FAM89A: variants seen among roughly 807,000 people sequenced by gnomAD.
The protein encoded by FAM89A is family with sequence similarity 89 member A.
In FAM89A, 10 loss-of-function variants were observed where a neutral mutation model predicts 7.1. That is an observed-to-expected ratio of 1.40 (90% CI 0.86 to 2.38). The LOEUF (loss-of-function observed/expected upper bound fraction) is 2.38, where lower values mean the gene tolerates loss of function less well. Ranked by LOEUF, FAM89A falls within the 30% of genes most tolerant of loss-of-function variation. The pLI is 0.00. For missense variants in FAM89A, 276 were observed against 262.8 expected (o/e 1.05, Z -0.35); for synonymous variants, 157 against 129.3 (o/e 1.21, Z -1.45).
rs184664614 is a variant in FAM89A, at chr1:231,029,764, C to A, written c.292-9638G>T. ...TGTATTAACAATGAGAAAACTTTCA[C>A]AGTTATCTTTTAAAAACACAATGAA... On this transcript the variant is annotated intron_variant, in intron 1 of 1. Coordinates refer to ENST00000366654, the MANE Select transcript of FAM89A (RefSeq NM_198552.3). Among the ~76,000 whole-genome samples, 794 of 152,296 alleles carry A rather than the reference C, an allele frequency of 5.2e-3. 3 individuals carry two copies. Among genetic ancestry groups the A allele is most frequent in the Middle Eastern group, 0.024 (7 of 294 alleles).
intron 1 of FAM89A, among the ~76,000 whole-genome samples, chr1:231,034,479 A>C (rs1680126048): frequency 6.6e-6 from 1 of 151,926 alleles, no homozygotes; most frequent in African/African-American, 2.4e-5. Context: ...GCTTGTTAAA[A>C]ATGCAGATTC....
chr1:231,029,880 G>A (rs1016905240), intron 1 of FAM89A, among the ~76,000 whole-genome samples: 1 of 152,212 alleles, frequency 6.6e-6, no homozygotes, highest in Non-Finnish European at 1.5e-5. Flanking sequence ...TATATCCACA[G>A]GCCTGGACTG....
At chr1:231,021,963 A>G (rs1679887076) in intron 1 of FAM89A, 1 of 1,391,160 alleles carries the variant, frequency 7.2e-7, no homozygotes, top group Admixed American at 1.7e-5. Context: ...AACACCAGGG[A>G]TGAGGGCGCT....
At chr1:231,030,176 G>T (rs898495816) in intron 1 of FAM89A, among the ~76,000 whole-genome samples, 2 of 152,156 alleles carry the variant, frequency 1.3e-5, no homozygotes, top group Admixed American at 1.3e-4. Context: ...AAACATATTC[G>T]TGTCATCTGG....
intron 1 of FAM89A, among the ~76,000 whole-genome samples, chr1:231,037,567 C>T (rs999242521): frequency 3.9e-5 from 6 of 152,158 alleles, no homozygotes; most frequent in African/African-American, 7.2e-5. Flanking sequence ...CTCCAAAGTC[C>T]AGCTCTCCCT....
intron 1 of FAM89A, among the ~76,000 whole-genome samples, chr1:231,031,071 T>C (rs192866187): frequency 6.6e-6 from 1 of 152,022 alleles, no homozygotes. Context: ...GATCTTGCCA[T>C]TGCACTCCAG....
chr1:231,037,205 T>C (rs565964231), intron 1 of FAM89A, among the ~76,000 whole-genome samples: 1 of 152,314 alleles, frequency 6.6e-6, no homozygotes, highest in East Asian at 1.9e-4. Flanking sequence ...AATTCTTTAA[T>C]ATAAAACAGA....
chr1:231,040,245 G>T lies in FAM89A; in HGVS notation c.-34C>A. ...GGCCCGGCCACGCGCCTGCCCCGCTGCAGCGAACCAAGGCTTTCCCCCGGC... is the reference window on the plus strand; with the variant it reads ...GGCCCGGCCACGCGCCTGCCCCGCTTCAGCGAACCAAGGCTTTCCCCCGGC... On this transcript the variant is annotated 5_prime_UTR_variant, in exon 1 of 2. Coordinates refer to ENST00000366654, the MANE Select transcript of FAM89A (RefSeq NM_198552.3). 9.7e-7 allele frequency: 1 copy of T among 1,028,216 alleles called. No homozygotes were observed. The highest frequency in any genetic ancestry group is 1.2e-6 in the Non-Finnish European group (1 of 859,726). 63.7% of individuals were successfully genotyped at this position (1,028,216 alleles called of 1,614,324 possible).
In FAM89A at chr1:231,040,043, T is replaced by A. The variant is rs1370075476; in HGVS notation, c.169A>T (p.Lys57Ter). ...WRHLERLYAQ[K>*]SRIQDELSRG... ...CTCAGCTCGTCCTGGATGCGCGACT[T>A]CTGCGCGTACAGCCGCTCCAGGTGC... The change falls in exon 1 of 2, where the codon AAG becomes TAG. Residue 57 changes from lysine (K) to a stop codon, truncating the protein, a stop_gained. Transcript: ENST00000366654. LOFTEE classifies it high-confidence loss of function. 2.8e-6 allele frequency: 4 copies of A among 1,446,948 alleles called. No homozygotes were observed. The highest frequency in any genetic ancestry group is 6.1e-5 in the East Asian group (2 of 32,692). 89.6% of individuals were successfully genotyped at this position (1,446,948 alleles called of 1,614,324 possible).
intron 1 of FAM89A, among the ~76,000 whole-genome samples, chr1:231,031,753 T>C (rs1471127339): frequency 1.3e-5 from 2 of 152,250 alleles, no homozygotes; most frequent in Admixed American, 6.5e-5. Flanking sequence ...AGGTAAGTAC[T>C]GTTTTGTAAC....
intron 1 of FAM89A, among the ~76,000 whole-genome samples, chr1:231,020,550 T>C (rs1679858290): frequency 6.6e-6 from 1 of 152,196 alleles, no homozygotes; most frequent in East Asian, 1.9e-4. Flanking sequence ...ATCTGACTGA[T>C]GCAGTCATTC....
chr1:231,038,482 C>T (rs1469850542), intron 1 of FAM89A, among the ~76,000 whole-genome samples: 1 of 152,218 alleles, frequency 6.6e-6, no homozygotes, highest in African/African-American at 2.4e-5. Flanking sequence ...ACTTCACCCC[C>T]GTGGTTCTGC....
chr1:231,031,558 T>C lies in FAM89A; in HGVS notation c.291+8363A>G, dbSNP rs114723664. Among the ~76,000 whole-genome samples the C allele has an allele frequency of 5.2e-3, 797 of 152,320 alleles. 8 individuals carry two copies. The highest frequency in any genetic ancestry group is 0.018 in the African/African-American group (757 of 41,562). ...TATAATAACCAAAAAGTCACATTTG[T>C]CAATATCACCATCATATAATTATGG... On this transcript the variant is annotated intron_variant, in intron 1 of 1. Coordinates refer to ENST00000366654, the MANE Select transcript of FAM89A (RefSeq NM_198552.3).
At chr1:231,020,344 C>G (rs191276915) in intron 1 of FAM89A, among the ~76,000 whole-genome samples, 4 of 152,296 alleles carry the variant, frequency 2.6e-5, no homozygotes, top group Non-Finnish European at 4.4e-5. Context: ...CAGTGAGGAT[C>G]GCATCTGTGG....
intron 1 of FAM89A, among the ~76,000 whole-genome samples, chr1:231,025,136 A>C (rs1679945406): frequency 6.6e-6 from 1 of 150,956 alleles, no homozygotes; most frequent in East Asian, 2.0e-4. Context: ...GTTAGCCAGG[A>C]TGGTCTTGAT....
chr1:231,027,702 T>A (rs1166713147), intron 1 of FAM89A, among the ~76,000 whole-genome samples: 1 of 152,216 alleles, frequency 6.6e-6, no homozygotes, highest in African/African-American at 2.4e-5. Flanking sequence ...CACTCCACCA[T>A]CTGGTCTGAC....
In FAM89A at chr1:231,019,723, C is replaced by CA. The variant is rs1679835955; in HGVS notation, c.*139dup. ...GCATCCGCGGAGAACTCCCTGCCTA[C>CA]AAATGAAACTGGTAGCGCTCATCCC... is the stretch of plus-strand genomic sequence containing the variant. On this transcript the variant is annotated 3_prime_UTR_variant, in exon 2 of 2. Transcript: ENST00000366654. 1 of 926,912 alleles carries CA rather than the reference C, an allele frequency of 1.1e-6. No individual in the cohort carries two copies. Among genetic ancestry groups the CA allele is most frequent in the African/African-American group, 1.7e-5 (1 of 59,948 alleles). 57.4% of individuals were successfully genotyped at this position (926,912 alleles called of 1,614,324 possible). A position where few individuals can be genotyped will look rare whatever the true frequency, so the allele number is the denominator to read the frequency against.
At chr1:231,033,392 T>C (rs866097370) in intron 1 of FAM89A, among the ~76,000 whole-genome samples, 1 of 152,330 alleles carries the variant, frequency 6.6e-6, no homozygotes. Context: ...CCTGCAGGCA[T>C]TCCCAGAGCG....
Position 231,037,861 on chromosome 1 carries a change from TA to T in FAM89A, c.291+2059del, listed in dbSNP as rs201413525. ...GTTGCCCCTCTTTCTATGCTTGCTTTAAAAAAAAAAATTTCTTTAAGGCATT... is the reference window on the plus strand; with the variant it reads ...GTTGCCCCTCTTTCTATGCTTGCTTTAAAAAAAAAATTTCTTTAAGGCATT... On this transcript the variant is annotated intron_variant, in intron 1 of 1. Transcript: ENST00000366654. Among the ~76,000 whole-genome samples the T allele has an allele frequency of 8.6e-3, 1,292 of 150,176 alleles. 12 individuals are homozygous for T. Among genetic ancestry groups the T allele is most frequent in the Non-Finnish European group, 0.013 (871 of 67,380 alleles).
Sources: gnomAD v4.1 joint callset for allele counts (sites outside exome capture counted in the v4.1 genomes callset) on GRCh38, gnomAD v4.1.1 for gene constraint, MANE v1.5 for transcripts, NCBI Gene and HGNC (gene_info 2026-07-23, HGNC 2026-07-21) for gene names.